FRMPD4: variants seen among roughly 807,000 people sequenced by gnomAD.
The protein encoded by FRMPD4 is FERM and PDZ domain containing 4.
FRMPD4 carries 22 observed loss-of-function variants against 94.1 expected under a neutral mutation model. That is an observed-to-expected ratio of 0.23 (90% CI 0.17 to 0.33). The LOEUF (loss-of-function observed/expected upper bound fraction) is 0.33, where lower values mean the gene tolerates loss of function less well. FRMPD4 is among the 10% of genes least tolerant of loss of function. The pLI is 1.00. For synonymous variants in FRMPD4, 631 were observed against 548.6 expected (o/e 1.15, Z -2.10); for missense variants, 1,111 against 1,339.9 (o/e 0.83, Z 2.67).
intron 2 of FRMPD4, among the ~76,000 whole-genome samples, chrX:12,588,721 A>C (rs767094471): frequency 3.6e-4 from 40 of 112,018 alleles, no homozygotes; most frequent in Non-Finnish European, 4.3e-4. Context: ...TTGTAATGAA[A>C]TCTCCCACGC....
At chrX:12,152,263 T>G (rs1296815887) in intron 1 of FRMPD4, among the ~76,000 whole-genome samples, 1 of 112,083 alleles carries the variant, frequency 8.9e-6, no homozygotes, top group Non-Finnish European at 1.9e-5. Flanking sequence ...TCAAAGAAAT[T>G]CATCTATGAG....
chrX:12,174,563 C>T (rs1024925620), intron 1 of FRMPD4, among the ~76,000 whole-genome samples: 3 of 111,858 alleles, frequency 2.7e-5, no homozygotes, highest in Admixed American at 9.5e-5. Flanking sequence ...CTCTCTACTC[C>T]GTCCCCTTCT....
intron 1 of FRMPD4, among the ~76,000 whole-genome samples, chrX:12,455,252 T>C (rs912827306): frequency 7.2e-5 from 8 of 111,766 alleles, no homozygotes; most frequent in Admixed American, 3.8e-4. Context: ...CTGACAGGGT[T>C]AGACACGTTT....
intron 1 of FRMPD4, among the ~76,000 whole-genome samples, chrX:12,203,246 T>A (rs1467174733): frequency 8.9e-6 from 1 of 111,757 alleles, no homozygotes; most frequent in Non-Finnish European, 1.9e-5. Flanking sequence ...TATAGGGAAT[T>A]ACCTGCTTAC....
chrX:12,697,615 G>T (rs1321255308), intron 9 of FRMPD4, among the ~76,000 whole-genome samples: 1 of 112,338 alleles, frequency 8.9e-6, no homozygotes, highest in Non-Finnish European at 1.9e-5. Context: ...GCTAAACCCA[G>T]TTCTGTTTAA....
At position 12,237,006 on chromosome X, in the gene FRMPD4, A is replaced by G. The variant is rs979023430; in HGVS notation, c.41+97994A>G. On this transcript the variant is annotated intron_variant, in intron 1 of 16. Coordinates refer to ENST00000675598, the MANE Select transcript of FRMPD4 (RefSeq NM_001368397.1). Reference sequence around the variant, plus strand: ...CTACAATGCACAGGACAGTCCCCACAGCAAAGTATTAGCCTGTCCAAATGT... The same window carrying G: ...CTACAATGCACAGGACAGTCCCCACGGCAAAGTATTAGCCTGTCCAAATGT... Among the ~76,000 whole-genome samples, 3 of 111,909 alleles carry G rather than the reference A, an allele frequency of 2.7e-5. No individual in the cohort carries two copies. In the East Asian group the frequency reaches 8.4e-4, roughly 31 times the overall value.
At chrX:11,961,630 A>G (rs1007722548) in intron 3 of FRMPD4, among the ~76,000 whole-genome samples, 7 of 111,914 alleles carry the variant, frequency 6.3e-5, no homozygotes, top group Admixed American at 9.5e-5. Context: ...ATCCATCTCA[A>G]TAAGCCCCTT....
At chrX:12,223,808 G>C (rs780551722) in intron 1 of FRMPD4, among the ~76,000 whole-genome samples, 167 of 112,180 alleles carry the variant, frequency 1.5e-3, no homozygotes, top group African/African-American at 5.3e-3. Context: ...GACTAACGAT[G>C]ATGAGCATCT....
At chrX:11,916,427 A>C (rs1207323497) in intron 3 of FRMPD4, among the ~76,000 whole-genome samples, 2 of 111,319 alleles carry the variant, frequency 1.8e-5, no homozygotes, top group East Asian at 5.6e-4. Flanking sequence ...TCCAGCAGTC[A>C]ATCAGAAAGG....
At chrX:11,935,095 T>TTTA (rs869047289) in intron 3 of FRMPD4, among the ~76,000 whole-genome samples, 8 of 49,008 alleles carry the variant, frequency 1.6e-4, no homozygotes, top group African/African-American at 4.8e-4. Context: ...TTTTTTTTTT[T>TTTA]AAATTTAACA....
intron 2 of FRMPD4, among the ~76,000 whole-genome samples, chrX:12,548,216 A>T (rs996752315): frequency 2.7e-5 from 3 of 112,142 alleles, no homozygotes; most frequent in African/African-American, 9.7e-5. Context: ...TTAACTAAAG[A>T]TGAAGGAATT....
At position 11,948,530 on chromosome X, in the gene FRMPD4, C is replaced by T. The variant is rs975285161; in HGVS notation, c.95+70512C>T. ...AGTCTATGATGCATTGTTACAGCAG[C>T]CCAAGATAACTGAGACATAGGGACT... On this transcript the variant is annotated intron_variant, in intron 3 of 18. Transcript: ENST00000640291. Among the ~76,000 whole-genome samples, 6 of 111,216 alleles carry T rather than the reference C, an allele frequency of 5.4e-5. No homozygotes were observed. In the Admixed American group the frequency reaches 5.7e-4, roughly 11 times the overall value.
chrX:12,586,547 G>A (rs1047034391), intron 2 of FRMPD4, among the ~76,000 whole-genome samples: 5 of 112,354 alleles, frequency 4.5e-5, no homozygotes, highest in Non-Finnish European at 5.6e-5. Context: ...ATTAATAAGC[G>A]GACCATGCAG....
intron 1 of FRMPD4, among the ~76,000 whole-genome samples, chrX:11,857,040 G>A (rs757731977): frequency 1.5e-4 from 17 of 111,640 alleles, no homozygotes; most frequent in South Asian, 3.8e-4. Context: ...ACAAATGACC[G>A]CTCAGAGAAA....
At chrX:12,152,180 A>T (rs780485739) in intron 1 of FRMPD4, among the ~76,000 whole-genome samples, 13 of 111,799 alleles carry the variant, frequency 1.2e-4, no homozygotes, top group Non-Finnish European at 5.6e-5. Context: ...TAAAATAGGA[A>T]AATTATGCAA....
chrX:12,421,342 G>T (rs1318950022), intron 1 of FRMPD4, among the ~76,000 whole-genome samples: 2 of 112,246 alleles, frequency 1.8e-5, no homozygotes, highest in African/African-American at 6.5e-5. Flanking sequence ...AACTACAGAA[G>T]TTACCACAAC....
intron 1 of FRMPD4, among the ~76,000 whole-genome samples, chrX:12,183,695 G>A (rs372587441): frequency 9.0e-6 from 1 of 111,084 alleles, no homozygotes. Flanking sequence ...GTAATGGCTT[G>A]ATCTCCCTTG....
At chrX:12,173,035 C>T (rs1176611770) in intron 1 of FRMPD4, among the ~76,000 whole-genome samples, 1 of 112,255 alleles carries the variant, frequency 8.9e-6, no homozygotes, top group Admixed American at 9.4e-5. Flanking sequence ...CAGTTTCTAC[C>T]CAGAAGAACC....
chrX:12,438,716 C>A (rs1219062707), intron 1 of FRMPD4, among the ~76,000 whole-genome samples: 1 of 111,452 alleles, frequency 9.0e-6, no homozygotes, highest in African/African-American at 3.3e-5. Context: ...AACCCCGATT[C>A]TGATGCCATA....
Sources: allele counts gnomAD v4.1 joint callset (sites outside exome capture counted in the v4.1 genomes callset), GRCh38; gene constraint gnomAD v4.1.1; transcripts MANE v1.5; gene names NCBI Gene and HGNC (gene_info 2026-07-23, HGNC 2026-07-21).